Variants in PDCD6 observed in about 807,000 individuals in gnomAD.
PDCD6 encodes programmed cell death protein 6.
PDCD6 carries 12 observed loss-of-function variants against 28.3 expected under a neutral mutation model. The observed-to-expected ratio is 0.42, with a 90% CI of 0.27 to 0.69. The LOEUF (loss-of-function observed/expected upper bound fraction) is 0.69, where lower values mean the gene tolerates loss of function less well. Among genes scored for constraint, PDCD6 ranks in the 30% least tolerant of loss-of-function variants. PDCD6 has a pLI of 0.22. For missense variants in PDCD6, 226 were observed against 269.9 expected (o/e 0.84, Z 1.14); for synonymous variants, 92 against 108.0 (o/e 0.85, Z 0.92).
At chr5:294,543 G>A (rs1450511891) in intron 2 of PDCD6, among the ~76,000 whole-genome samples, 29 of 152,334 alleles carry the variant, frequency 1.9e-4, no homozygotes, top group African/African-American at 6.5e-4. Context: ...ACCACAGGCC[G>A]ACCCAGGTTC....
At chr5:304,977 C>T (rs981574385) in intron 3 of PDCD6, 3 of 152,172 alleles carry the variant, frequency 2.0e-5, no homozygotes, top group Admixed American at 6.5e-5. Context: ...CAGGTGTGCA[C>T]CCCCATGCCC....
At chr5:292,591 C>A (rs2126724886) in intron 2 of PDCD6, among the ~76,000 whole-genome samples, 1 of 152,306 alleles carries the variant, frequency 6.6e-6, no homozygotes, top group South Asian at 2.1e-4. Flanking sequence ...ACTCTTTATA[C>A]CTGTTCATTC....
intron 3 of PDCD6, chr5:304,523 C>G (rs529744731): frequency 1.2e-5 from 2 of 161,816 alleles, no homozygotes; most frequent in East Asian, 3.7e-4. Context: ...ACTTTCACAT[C>G]TTATCTGGGT....
At chr5:312,883 C>T (rs142607600) in intron 5 of PDCD6, among the ~76,000 whole-genome samples, 1 of 108,908 alleles carries the variant, frequency 9.2e-6, no homozygotes, top group Non-Finnish European at 1.7e-5. Context: ...CCGTAGGGCT[C>T]AGATCTTCAT....
At chr5:314,280 G>A (rs1433577118) in intron 5 of PDCD6, 137 bp from the exon 6 acceptor site, 13 of 625,816 alleles carry the variant, frequency 2.1e-5, no homozygotes, top group South Asian at 1.7e-4. Context: ...CCCCACCTGC[G>A]CCTCCCTGTG....
Position 296,776 on chromosome 5 carries a change from G to C in PDCD6, c.164-7401G>C, listed in dbSNP as rs184373330. ...AGTAAGACTGGCATTGCACATGGGT[G>C]GGGGGGCCCGTCGAGGCCCCTCTTT... On this transcript the variant is annotated intron_variant, in intron 2 of 5. Coordinates refer to ENST00000264933, the MANE Select transcript of PDCD6 (RefSeq NM_013232.4). 5.9e-5 allele frequency among the ~76,000 whole-genome samples: 9 copies of C among 152,114 alleles called. No individual in the cohort carries two copies. The South Asian group carries it at 1.9e-3, about 32-fold the overall frequency.
intron 2 of PDCD6, among the ~76,000 whole-genome samples, chr5:303,417 T>C (rs1740249177): frequency 6.6e-6 from 1 of 151,942 alleles, no homozygotes; most frequent in African/African-American, 2.4e-5. Flanking sequence ...TTACTGAAGG[T>C]ACAAATCACT....
intron 2 of PDCD6, among the ~76,000 whole-genome samples, chr5:277,657 A>G (rs996124950): frequency 1.3e-5 from 2 of 151,714 alleles, no homozygotes; most frequent in Non-Finnish European, 1.5e-5. Context: ...GATGGTCTTG[A>G]TCTCCTGACC....
intron 4 of PDCD6, chr5:308,566 C>T (rs984494408): frequency 6.6e-6 from 1 of 152,218 alleles, no homozygotes; most frequent in African/African-American, 2.4e-5. Flanking sequence ...CCACGTCTTC[C>T]TTGGAAAGGG....
At chr5:303,305 A>AAAC (rs1740233871) in intron 2 of PDCD6, among the ~76,000 whole-genome samples, 1 of 151,936 alleles carries the variant, frequency 6.6e-6, no homozygotes, top group African/African-American at 2.4e-5. Flanking sequence ...CATAAAAAAA[A>AAAC]AAAAAAACTG....
intron 2 of PDCD6, among the ~76,000 whole-genome samples, chr5:290,716 C>T (rs1579507579): frequency 6.6e-6 from 1 of 152,226 alleles, no homozygotes; most frequent in Non-Finnish European, 1.5e-5. Context: ...TTCACACAGC[C>T]TGGTGATGCA....
chr5:288,738 T>C (rs1739140074), intron 2 of PDCD6: 1 of 544,612 alleles, frequency 1.8e-6, no homozygotes, highest in South Asian at 4.3e-5. Context: ...CTGCTTTTCT[T>C]GTAAAACTAA....
chr5:287,537 T>C (rs1178285462), intron 2 of PDCD6, among the ~76,000 whole-genome samples: 1 of 152,110 alleles, frequency 6.6e-6, no homozygotes, highest in Non-Finnish European at 1.5e-5. Flanking sequence ...GATATTGGTA[T>C]AATAATAATA....
At chr5:312,952 A>T (rs576509563) in intron 5 of PDCD6, among the ~76,000 whole-genome samples, 19 of 152,266 alleles carry the variant, frequency 1.2e-4, no homozygotes, top group African/African-American at 4.3e-4. Flanking sequence ...GTTATGTTCT[A>T]TAAGTTAACG....
At chr5:294,155 G>C (rs1739455858) in intron 2 of PDCD6, among the ~76,000 whole-genome samples, 1 of 151,570 alleles carries the variant, frequency 6.6e-6, no homozygotes, top group Non-Finnish European at 1.5e-5. Context: ...AAAGTTCTTA[G>C]ACATGACACC....
At chr5:279,793 A>AC (rs1275648924) in intron 2 of PDCD6, among the ~76,000 whole-genome samples, 2 of 147,382 alleles carry the variant, frequency 1.4e-5, no homozygotes, top group Non-Finnish European at 3.0e-5. Flanking sequence ...CAAAAAAAAA[A>AC]AAAAAAAAAA....
At chr5:289,918 T>A in intron 2 of PDCD6, 1 of 1,493,554 alleles carries the variant, frequency 6.7e-7, no homozygotes, top group Non-Finnish European at 9.3e-7. Flanking sequence ...TGAAGAAGGA[T>A]AAACACAGCT....
chr5:278,947 C>CT (rs953520710), intron 2 of PDCD6, among the ~76,000 whole-genome samples: 45 of 151,896 alleles, frequency 3.0e-4, no homozygotes, highest in Non-Finnish European at 5.6e-4. Flanking sequence ...CCTCTCCTGT[C>CT]TCACGGGGTG....
intron 4 of PDCD6, chr5:310,113 G>A: frequency 9.9e-6 from 2 of 201,718 alleles, no homozygotes; most frequent in African/African-American, 2.4e-5. Context: ...AGCAGGCTGG[G>A]CTCAGCCCTG....
Sources: gnomAD v4.1 joint callset for allele counts (sites outside exome capture counted in the v4.1 genomes callset) on GRCh38, gnomAD v4.1.1 for gene constraint, MANE v1.5 for transcripts, NCBI Gene and HGNC (gene_info 2026-07-23, HGNC 2026-07-21) for gene names.